The following SLC2A9 variants were observed in gnomAD, a reference collection of about 807,000 sequenced individuals.
SLC2A9 encodes the protein solute carrier family 2, facilitated glucose transporter member 9.
A neutral mutation model predicts 50.6 loss-of-function variants in SLC2A9; 39 were observed. That is an observed-to-expected ratio of 0.77 (90% CI 0.60 to 1.01). The LOEUF (loss-of-function observed/expected upper bound fraction) is 1.01. Among genes scored for constraint, SLC2A9 ranks in the 50% least tolerant of loss-of-function variants. The probability of loss-of-function intolerance (pLI) is 0.00; values close to 1 mark genes in which losing one functional copy is unlikely to be tolerated. For synonymous variants in SLC2A9, 324 were observed against 276.9 expected (o/e 1.17, Z -1.69); for missense variants, 686 against 677.6 (o/e 1.01, Z -0.14).
chr4:9,829,192 TC>T (rs1725622960), intron 11 of SLC2A9, among the ~76,000 whole-genome samples: 1 of 152,084 alleles, frequency 6.6e-6, no homozygotes, highest in Admixed American at 6.5e-5. Context: ...TCACTTGAGG[TC>T]AGAAGTTCAG....
At chr4:9,957,393 C>T (rs770958904) in intron 5 of SLC2A9, among the ~76,000 whole-genome samples, 2 of 152,142 alleles carry the variant, frequency 1.3e-5, no homozygotes, top group South Asian at 4.1e-4. Flanking sequence ...TTGAGTGAAG[C>T]CTTGTCCCTC....
At chr4:9,781,883 C>T in intron 3 of SLC2A9, 1 of 668,346 alleles carries the variant, frequency 1.5e-6, no homozygotes, top group East Asian at 3.1e-5. Flanking sequence ...GCTCCGCAGC[C>T]CGGCGCAGCT....
At chr4:9,925,390 C>A (rs929155756) in intron 6 of SLC2A9, among the ~76,000 whole-genome samples, 1 of 152,186 alleles carries the variant, frequency 6.6e-6, no homozygotes, top group South Asian at 2.1e-4. Context: ...ACCTGCTGTG[C>A]CCACCCCTGG....
chr4:9,989,844 C>G (rs1467447158), intron 3 of SLC2A9, among the ~76,000 whole-genome samples: 1 of 152,034 alleles, frequency 6.6e-6, no homozygotes, highest in African/African-American at 2.4e-5. Flanking sequence ...GGAGCCTCTT[C>G]TTGCCCCTGG....
At chr4:9,864,134 C>T (rs758304330) in intron 10 of SLC2A9, among the ~76,000 whole-genome samples, 2 of 152,024 alleles carry the variant, frequency 1.3e-5, no homozygotes, top group Non-Finnish European at 2.9e-5. Context: ...ACTTGTCTGC[C>T]CCTTTCTTTG....
intron 1 of SLC2A9, among the ~76,000 whole-genome samples, chr4:10,032,484 AG>A (rs1763968087): frequency 6.6e-6 from 1 of 151,994 alleles, no homozygotes; most frequent in Non-Finnish European, 1.5e-5. Context: ...AGGGGGTTGG[AG>A]GATGATCAGG....
At chr4:9,852,798 A>G (rs192855048) in intron 10 of SLC2A9, among the ~76,000 whole-genome samples, 1 of 152,344 alleles carries the variant, frequency 6.6e-6, no homozygotes, top group African/African-American at 2.4e-5. Context: ...CAACTACACA[A>G]TCAAGTCTGC....
chr4:9,935,614 C>A (rs1746922096), intron 6 of SLC2A9, among the ~76,000 whole-genome samples: 1 of 152,234 alleles, frequency 6.6e-6, no homozygotes, highest in Admixed American at 6.5e-5. Flanking sequence ...AGTGTCAACA[C>A]TCAGATCCCA....
At chr4:9,834,781 G>T in intron 11 of SLC2A9, 100 bp downstream of exon 11, 1 of 1,558,668 alleles carries the variant, frequency 6.4e-7, no homozygotes, top group Non-Finnish European at 8.8e-7. Context: ...TGAGTTTCCA[G>T]TTGAGAGGAG....
At chr4:10,019,266 C>A in intron 1 of SLC2A9, 193 bp from the exon 2 acceptor site, 1 of 595,690 alleles carries the variant, frequency 1.7e-6, no homozygotes, top group Non-Finnish European at 3.0e-6. Flanking sequence ...TCCGCGTGCG[C>A]AGGCCGGGCG....
chr4:9,783,288 C>G lies in SLC2A9; in HGVS notation n.386-3223G>C, dbSNP rs2108856405. The stretch of plus-strand genomic sequence containing the variant: ...CACATGATGCCCAACGCCGTTACCC[C>G]CGGCAACCGGGAGGTGGACAACGAC... On this transcript the variant is annotated intron_variant and non_coding_transcript_variant, in intron 3 of 3. Coordinates refer to the SLC2A9 transcript ENST00000503803. The G allele has an allele frequency of 1.9e-6, 3 of 1,614,238 alleles. No individual in the cohort carries two copies. The East Asian group carries it at 6.7e-5, about 36-fold the overall frequency.
At chr4:9,931,824 TGAGA>T in intron 6 of SLC2A9, among the ~76,000 whole-genome samples, 1 of 148,176 alleles carries the variant, frequency 6.7e-6, no homozygotes, top group East Asian at 2.0e-4. Flanking sequence ...AGGTCTCTAG[TGAGA>T]GACAGACACG....
intron 7 of SLC2A9, among the ~76,000 whole-genome samples, chr4:9,917,806 C>A (rs1743157813): frequency 1.3e-5 from 2 of 152,198 alleles, no homozygotes; most frequent in Non-Finnish European, 2.9e-5. Flanking sequence ...GCTGGTGGGG[C>A]AGATGGTGCT....
At chr4:9,847,444 G>A (rs1424926875) in intron 10 of SLC2A9, among the ~76,000 whole-genome samples, 1 of 152,164 alleles carries the variant, frequency 6.6e-6, no homozygotes, top group East Asian at 1.9e-4. Flanking sequence ...CTGACACATG[G>A]GAATTACAAT....
rs545071816 is a variant in SLC2A9, at chr4:9,941,341, G to A, written c.814+572C>T. On this transcript the variant is annotated intron_variant, in intron 6 of 11. Coordinates refer to ENST00000264784, the MANE Select transcript of SLC2A9 (RefSeq NM_020041.3). ...TGAGACAACTCCCAAGCCCCTTTGCGAGCCTTATTTTTCTCCCCTGTAAAA... is the reference window on the plus strand; with the variant it reads ...TGAGACAACTCCCAAGCCCCTTTGCAAGCCTTATTTTTCTCCCCTGTAAAA... Among the ~76,000 whole-genome samples the A allele has an allele frequency of 6.6e-5, 10 of 152,242 alleles. No homozygotes were observed. The East Asian group carries it at 1.2e-3, about 18-fold the overall frequency.
At chr4:9,798,058 A>G (rs560685834), downstream of SLC2A9, among the ~76,000 whole-genome samples, 9 of 152,220 alleles carry the variant, frequency 5.9e-5, no homozygotes, top group South Asian at 1.7e-3. Context: ...AGCAGATGAG[A>G]TTTATTTTTT....
chr4:9,926,011 A>G (rs1324805066), intron 6 of SLC2A9, among the ~76,000 whole-genome samples: 3 of 152,048 alleles, frequency 2.0e-5, no homozygotes, highest in African/African-American at 7.2e-5. Flanking sequence ...CTGCAAGCAG[A>G]TGAGATGGAG....
rs150101941 is a variant in SLC2A9 at position 10,028,822 on chromosome 4, C to T, written c.-40-2816G>A. Among the ~76,000 whole-genome samples, 376 of 152,302 alleles carry T rather than the reference C, an allele frequency of 2.5e-3. 6 individuals carry two copies. The highest frequency in any genetic ancestry group is 8.8e-3 in the African/African-American group (367 of 41,552). ...ATGGGCTCAGAGAAGCGGTGCCTCC[C>T]AAGCACTAATCACAGAACTTCCCCC... On this transcript the variant is annotated intron_variant, in intron 1 of 12. Transcript: ENST00000309065.
At chr4:9,989,480 A>C (rs1159414900) in intron 3 of SLC2A9, among the ~76,000 whole-genome samples, 3 of 151,986 alleles carry the variant, frequency 2.0e-5, no homozygotes, top group Non-Finnish European at 2.9e-5. Context: ...CACTGAGAAC[A>C]CAGAGGCAAT....
Sources: allele counts gnomAD v4.1 joint callset (sites outside exome capture counted in the v4.1 genomes callset), GRCh38; gene constraint gnomAD v4.1.1; transcripts MANE v1.5; gene names NCBI Gene and HGNC (gene_info 2026-07-23, HGNC 2026-07-21).